The following PI4K2A variants were observed in gnomAD, a reference collection of about 807,000 sequenced individuals.
The protein encoded by PI4K2A is phosphatidylinositol 4-kinase type 2 alpha.
PI4K2A carries 20 observed loss-of-function variants against 55.0 expected under a neutral mutation model. That is an observed-to-expected ratio of 0.36 (90% confidence interval 0.26 to 0.53). The LOEUF (loss-of-function observed/expected upper bound fraction) is 0.53. Ranked by LOEUF, PI4K2A falls within the 20% of genes least tolerant of loss-of-function variation. The pLI, the probability that PI4K2A is intolerant of heterozygous loss-of-function variation, is 0.91. For synonymous variants in PI4K2A, 235 were observed against 258.5 expected (o/e 0.91, Z 0.87); for missense variants, 463 against 637.1 (o/e 0.73, Z 2.94).
chr10:97,672,566 ATAT>A (rs2041641311), intron 8 of PI4K2A, among the ~76,000 whole-genome samples: 1 of 152,036 alleles, frequency 6.6e-6, no homozygotes, highest in African/African-American at 2.4e-5. Flanking sequence ...TTAAATTTCT[ATAT>A]ATTTTAGGAT....
chr10:97,651,061 C>G, exon 2 of PI4K2A: 1 of 1,614,108 alleles, frequency 6.2e-7, no homozygotes, highest in Non-Finnish European at 8.5e-7. Flanking sequence ...CTGCCTTGTC[C>G]TTAACCAGGG....
chr10:97,665,041 T>C (rs2041603433), intron 6 of PI4K2A, 57 bp downstream of exon 6: 1 of 1,036,108 alleles, frequency 9.7e-7, no homozygotes, highest in Non-Finnish European at 1.5e-6. Flanking sequence ...ATTTTCTCAC[T>C]GTGCAGTGGA....
intron 8 of PI4K2A, among the ~76,000 whole-genome samples, chr10:97,667,950 T>A (rs1035786905): frequency 5.3e-5 from 8 of 152,206 alleles, no homozygotes; most frequent in African/African-American, 1.9e-4. Context: ...TGGTTATAAT[T>A]TTGTTGTTAT....
In PI4K2A at chr10:97,673,510, T is replaced by G. The variant is rs1332742134; in HGVS notation, c.1279-71T>G. 3.0e-6 allele frequency: 4 copies of G among 1,328,234 alleles called. No individual in the cohort carries two copies. The African/African-American group carries it at 4.4e-5, about 15-fold the overall frequency. The allele number at this position is 1,328,234 out of a possible 1,614,324, so 82.3% of individuals were successfully genotyped here. A position where few individuals can be genotyped will look rare whatever the true frequency, so the allele number is the denominator to read the frequency against. On this transcript the variant is annotated intron_variant, in intron 8 of 8. Coordinates refer to ENST00000370631, the Ensembl canonical transcript of PI4K2A. ...ATTGATTTGTAGGCGTCCTCTCTAC[T>G]GATCTCCTTTCAGAGGCAGATCTGG...
At chr10:97,672,722 G>GTTTT (rs201709914) in intron 8 of PI4K2A, among the ~76,000 whole-genome samples, 3,148 of 94,124 alleles carry the variant, frequency 0.033, 256 homozygotes, top group South Asian at 0.073. Context: ...CAGAGGGTCT[G>GTTTT]TTCTTTTTTT....
intron 1 of PI4K2A, among the ~76,000 whole-genome samples, chr10:97,648,891 T>A (rs1429916052): frequency 6.6e-6 from 1 of 152,240 alleles, no homozygotes; most frequent in Non-Finnish European, 1.5e-5. Context: ...TATATGCATT[T>A]TGCATTTGCC....
In PI4K2A at chr10:97,660,300, C is replaced by CTTT. The variant is rs368124986; in HGVS notation, c.923-2596_923-2594dup. On this transcript the variant is annotated intron_variant, in intron 4 of 8. Coordinates refer to ENST00000370631, the Ensembl canonical transcript of PI4K2A. ...ACAGGCGTGAGCCACCGCGCCCGGC[C>CTTT]TTTTTTTTTTTTTGAGACGGAGTCT... Among the ~76,000 whole-genome samples the CTTT allele has an allele frequency of 3.4e-5, 4 of 118,946 alleles. No homozygotes were observed. In the South Asian group the frequency reaches 1.1e-3, roughly 32 times the overall value. The allele number at this position is 118,946 out of a possible 152,430, so 78.0% of individuals were successfully genotyped here. A position where few individuals can be genotyped will look rare whatever the true frequency, so the allele number is the denominator to read the frequency against.
intron 1 of PI4K2A, among the ~76,000 whole-genome samples, chr10:97,646,635 G>A (rs562444312): frequency 5.9e-5 from 9 of 152,302 alleles, no homozygotes; most frequent in Non-Finnish European, 1.2e-4. Flanking sequence ...TTCACTGTGC[G>A]ATGTGAATGA....
intron 8 of PI4K2A, among the ~76,000 whole-genome samples, chr10:97,668,684 T>C (rs1286290294): frequency 6.6e-6 from 1 of 152,206 alleles, no homozygotes; most frequent in Non-Finnish European, 1.5e-5. Flanking sequence ...GTAGTATTAA[T>C]AGCTGTTAGG....
intron 4 of PI4K2A, among the ~76,000 whole-genome samples, chr10:97,659,022 C>T (rs2041568416): frequency 6.6e-6 from 1 of 152,146 alleles, no homozygotes; most frequent in African/African-American, 2.4e-5. Flanking sequence ...TATTTTCTCT[C>T]AATCTCTTGC....
At chr10:97,662,078 C>T (rs1193333686) in intron 4 of PI4K2A, among the ~76,000 whole-genome samples, 3 of 152,060 alleles carry the variant, frequency 2.0e-5, no homozygotes, top group Non-Finnish European at 2.9e-5. Flanking sequence ...TGGTCTTGAA[C>T]TCCTGGCCTC....
intron 1 of PI4K2A, among the ~76,000 whole-genome samples, chr10:97,642,012 T>G (rs2041472277): frequency 6.6e-6 from 1 of 152,160 alleles, no homozygotes; most frequent in South Asian, 2.1e-4. Context: ...AACTGCAGAA[T>G]TTAAGAAATA....
chr10:97,660,236 C>T (rs1170365471), intron 4 of PI4K2A, among the ~76,000 whole-genome samples: 24 of 149,838 alleles, frequency 1.6e-4, no homozygotes, highest in African/African-American at 2.0e-4. Flanking sequence ...CTCCTGACCT[C>T]GTGATCTGCC....
intron 2 of PI4K2A, among the ~76,000 whole-genome samples, chr10:97,652,863 C>G (rs1010561188): frequency 6.6e-6 from 1 of 152,188 alleles, no homozygotes; most frequent in Non-Finnish European, 1.5e-5. Context: ...GAAGTACCAG[C>G]TGAGTCAGTA....
intron 6 of PI4K2A, 62 bp from the exon 7 acceptor site, chr10:97,666,376 G>A: frequency 6.5e-7 from 1 of 1,531,878 alleles, no homozygotes; most frequent in Admixed American, 1.9e-5. Flanking sequence ...GACTGGTGGA[G>A]GACACAGATG....
chr10:97,647,076 G>A (rs2041508587), intron 1 of PI4K2A, among the ~76,000 whole-genome samples: 1 of 151,874 alleles, frequency 6.6e-6, no homozygotes, highest in Non-Finnish European at 1.5e-5. Flanking sequence ...CCACTGCGCT[G>A]GGCTCAGGTT....
intron 6 of PI4K2A, among the ~76,000 whole-genome samples, chr10:97,665,565 C>T (rs776782496): frequency 2.6e-5 from 4 of 151,970 alleles, no homozygotes; most frequent in East Asian, 1.9e-4. Context: ...TGAGCCACTG[C>T]GCCTGGCTGA....
exon 9 of PI4K2A, chr10:97,674,319 C>T (rs1345638786): frequency 6.6e-6 from 1 of 152,372 alleles, no homozygotes; most frequent in Non-Finnish European, 1.5e-5. Context: ...TTTGCCAAGC[C>T]TCCTCCATCT....
intron 6 of PI4K2A, 152 bp from the exon 7 acceptor site, chr10:97,666,286 C>A (rs2041609053): frequency 4.6e-6 from 3 of 654,736 alleles, no homozygotes; most frequent in South Asian, 2.0e-5. Flanking sequence ...AGCTGTGTAA[C>A]CTTTACAGTT....
Sources: gnomAD v4.1 joint callset for allele counts (sites outside exome capture counted in the v4.1 genomes callset) on GRCh38, gnomAD v4.1.1 for gene constraint, MANE v1.5 for transcripts, NCBI Gene and HGNC (gene_info 2026-07-23, HGNC 2026-07-21) for gene names.